The following GREB1L variants were observed in gnomAD, a reference collection of about 807,000 sequenced individuals.
The protein encoded by GREB1L is GREB1-like protein.
GREB1L carries 17 observed loss-of-function variants against 200.8 expected under a neutral mutation model. The ratio of observed to expected loss-of-function variants is 0.08; its 90% CI spans 0.06 to 0.13. The LOEUF (loss-of-function observed/expected upper bound fraction) is 0.13. Ranked by LOEUF, GREB1L falls within the 10% of genes least tolerant of loss-of-function variation. The pLI is 1.00. For missense variants in GREB1L, 1,657 were observed against 2,367.7 expected, an observed-to-expected ratio of 0.70 and a Z score of 6.23; for synonymous variants, 789 against 893.0, an observed-to-expected ratio of 0.88 and a Z score of 2.08.
chr18:21,456,524 GCTGA>G (rs1430214787), intron 15 of GREB1L, among the ~76,000 whole-genome samples: 1 of 152,024 alleles, frequency 6.6e-6, no homozygotes. Context: ...GGCCAAATGA[GCTGA>G]CTGACAGTAC....
intron 1 of GREB1L, among the ~76,000 whole-genome samples, chr18:21,315,954 G>A (rs2038861827): frequency 6.6e-6 from 1 of 152,154 alleles, no homozygotes; most frequent in East Asian, 1.9e-4. Flanking sequence ...CCTCCCCCCT[G>A]TGGGCCTGGG....
chr18:21,475,898 G>A (rs1163257304), intron 16 of GREB1L, among the ~76,000 whole-genome samples: 10 of 144,852 alleles, frequency 6.9e-5, no homozygotes, highest in Admixed American at 4.3e-4. Context: ...GAACCCAGGA[G>A]GCAGAGGTTG....
chr18:21,375,041 T>C (rs2040016416), intron 2 of GREB1L, among the ~76,000 whole-genome samples: 1 of 146,104 alleles, frequency 6.8e-6, no homozygotes. Flanking sequence ...GGAGGTTTTT[T>C]GTTTTGTTTT....
chr18:21,249,963 G>T (rs1432009310), intron 1 of GREB1L, among the ~76,000 whole-genome samples: 2 of 152,290 alleles, frequency 1.3e-5, no homozygotes, highest in African/African-American at 4.8e-5. Flanking sequence ...AGTGAGAAGT[G>T]CCAGAGAGAA....
chr18:21,465,385 A>G (rs925892588), intron 15 of GREB1L, among the ~76,000 whole-genome samples: 8 of 152,202 alleles, frequency 5.3e-5, no homozygotes, highest in African/African-American at 1.9e-4. Context: ...ATGTTGGTTC[A>G]GTTCCATAGA....
chr18:21,353,211 C>A lies in GREB1L; in HGVS notation c.-119-12816C>A, dbSNP rs148252057. 1.0e-3 allele frequency among the ~76,000 whole-genome samples: 153 copies of A among 151,390 alleles called. No individual in the cohort carries two copies. The Middle Eastern group carries it at 0.014, about 13-fold the overall frequency. On this transcript the variant is annotated intron_variant, in intron 1 of 32. Transcript: ENST00000424526. ...AAAAAAAAAGAAGAAAGAAATGGGA[C>A]CATATTGCTTTTATAACATATTTTC...
chr18:21,427,485 A>G (rs949083903), intron 7 of GREB1L, among the ~76,000 whole-genome samples: 10 of 145,036 alleles, frequency 6.9e-5, no homozygotes, highest in African/African-American at 2.8e-4. Flanking sequence ...AGCTTGGGCA[A>G]TAGAGTGAGA....
intron 2 of GREB1L, among the ~76,000 whole-genome samples, chr18:21,366,476 T>G (rs544389601): frequency 6.6e-6 from 1 of 152,216 alleles, no homozygotes; most frequent in Non-Finnish European, 1.5e-5. Flanking sequence ...GGCTTCTGCA[T>G]AAATACCCAG....
At chr18:21,462,535 C>T (rs1242146865) in intron 15 of GREB1L, among the ~76,000 whole-genome samples, 2 of 152,168 alleles carry the variant, frequency 1.3e-5, no homozygotes, top group African/African-American at 2.4e-5. Context: ...CTGTGACCTC[C>T]GCTTCCCAGG....
chr18:21,526,056 A>C lies in GREB1L; in HGVS notation c.*3235A>C, dbSNP rs1206689670. On this transcript the variant is annotated 3_prime_UTR_variant, in exon 33 of 33. Transcript: ENST00000424526. Reference sequence around the variant, plus strand: ...GTGAAACTGACTGCTGCAACATCACACTAAACTACTTAGGCCTGAAACAAC... The same window carrying C: ...GTGAAACTGACTGCTGCAACATCACCCTAAACTACTTAGGCCTGAAACAAC... Among the ~76,000 whole-genome samples, 2 of 152,176 alleles carry C rather than the reference A, an allele frequency of 1.3e-5. No individual in the cohort carries two copies. The highest frequency in any genetic ancestry group is 2.9e-5 in the Non-Finnish European group (2 of 68,032).
At position 21,500,159 on chromosome 18, in the gene GREB1L, G is replaced by T; in HGVS notation, c.3822G>T (p.Lys1274Asn). 6.4e-7 allele frequency: 1 copy of T among 1,551,418 alleles called. No homozygotes were observed. Among genetic ancestry groups the T allele is most frequent in the Non-Finnish European group, 8.7e-7 (1 of 1,147,024 alleles). ...GCTCCCTGCGGCCACTCCTGAACAAGGACATGAGCAGTGAGGAGCAGTCCC... is the reference window on the plus strand; with the variant it reads ...GCTCCCTGCGGCCACTCCTGAACAATGACATGAGCAGTGAGGAGCAGTCCC... ...WVSSLRPLLN[K>N]DMSSEEQSLY... The change falls in exon 22 of 33, where the codon AAG (lysine) becomes AAT (asparagine). Residue 1274 changes from lysine to asparagine, a missense_variant. Lys to Asn is a moderately conservative substitution (Grantham distance 94). This residue lies in a region of GREB1L where 512 missense variants were observed against 668.3 expected (regional missense o/e 0.77). Transcript: ENST00000424526.
At chr18:21,253,737 A>G (rs897695667) in intron 1 of GREB1L, among the ~76,000 whole-genome samples, 1 of 152,032 alleles carries the variant, frequency 6.6e-6, no homozygotes, top group Non-Finnish European at 1.5e-5. Context: ...TTCTGCTTCA[A>G]GTATTTATCT....
chr18:21,393,631 A>G (rs1443992769), intron 4 of GREB1L, among the ~76,000 whole-genome samples: 3 of 152,116 alleles, frequency 2.0e-5, no homozygotes, highest in Non-Finnish European at 2.9e-5. Context: ...GGGTTTCACC[A>G]TGTTAGCCAA....
chr18:21,473,925 G>C (rs1348794612), intron 16 of GREB1L, among the ~76,000 whole-genome samples: 10 of 152,148 alleles, frequency 6.6e-5, no homozygotes, highest in Non-Finnish European at 1.3e-4. Context: ...TGTAAAAGCA[G>C]AAACCTCTGA....
rs1568000171 is a variant in GREB1L, at chr18:21,426,972, AC to A, written c.833-12548del. ...AGACTACGTCTCAAAAAAAAAAAAAACAAAAAAAAAAAAAACAAAAAAAAAA... is the reference window on the plus strand; with the variant it reads ...AGACTACGTCTCAAAAAAAAAAAAAAAAAAAAAAAAAAAACAAAAAAAAAA... On this transcript the variant is annotated intron_variant, in intron 7 of 32. Coordinates refer to ENST00000424526, the MANE Select transcript of GREB1L (RefSeq NM_001142966.3). Among the ~76,000 whole-genome samples, 50 of 106,096 alleles carry A rather than the reference AC, an allele frequency of 4.7e-4. 1 individual carries two copies. Among genetic ancestry groups the A allele is most frequent in the African/African-American group, 4.4e-3 (47 of 10,658 alleles). 69.6% of individuals were successfully genotyped at this position (106,096 alleles called of 152,430 possible). A position where few individuals can be genotyped will look rare whatever the true frequency, so the allele number is the denominator to read the frequency against.
intron 11 of GREB1L, among the ~76,000 whole-genome samples, chr18:21,447,632 A>C (rs2034296193): frequency 6.6e-6 from 1 of 152,194 alleles, no homozygotes. Flanking sequence ...TTAATGAAAG[A>C]CGGTAGGGAA....
At chr18:21,382,340 G>A (rs2040351523) in intron 2 of GREB1L, among the ~76,000 whole-genome samples, 1 of 151,862 alleles carries the variant, frequency 6.6e-6, no homozygotes, top group Non-Finnish European at 1.5e-5. Context: ...GTGAGACTGT[G>A]TCTCAAAAAA....
chr18:21,279,426 C>G (rs1432689169), intron 1 of GREB1L, among the ~76,000 whole-genome samples: 1 of 152,086 alleles, frequency 6.6e-6, no homozygotes, highest in Non-Finnish European at 1.5e-5. Context: ...TTACTCTGTA[C>G]TTACGGATCC....
At chr18:21,391,247 C>T (rs1247739977) in intron 4 of GREB1L, among the ~76,000 whole-genome samples, 1 of 152,136 alleles carries the variant, frequency 6.6e-6, no homozygotes, top group African/African-American at 2.4e-5. Context: ...TTTCACTGTG[C>T]CTTTTCTGTG....
Sources: allele counts gnomAD v4.1 joint callset (sites outside exome capture counted in the v4.1 genomes callset), GRCh38; gene constraint gnomAD v4.1.1; regional missense constraint gnomAD v4.1.1; transcripts MANE v1.5; gene names NCBI Gene and HGNC (gene_info 2026-07-23, HGNC 2026-07-21).